The following ZFX variants were observed in gnomAD, a reference collection of about 807,000 sequenced individuals.
ZFX encodes zinc finger X-chromosomal protein.
For synonymous variants in ZFX, 196 were observed against 226.8 expected, an observed-to-expected ratio of 0.86 and a Z score of 1.22; for missense variants, 362 against 628.3, an observed-to-expected ratio of 0.58 and a Z score of 4.53.
chrX:24,194,997 A>G (rs1351910350), intron 5 of ZFX, among the ~76,000 whole-genome samples: 1 of 110,610 alleles, frequency 9.0e-6, no homozygotes, highest in Non-Finnish European at 1.9e-5. Context: ...ATCCTCCCAC[A>G]TTGGCCTCCC....
intron 5 of ZFX, among the ~76,000 whole-genome samples, chrX:24,202,116 A>T (rs1471064080): frequency 2.7e-5 from 3 of 111,660 alleles, no homozygotes; most frequent in Non-Finnish European, 5.6e-5. Context: ...ATTCTCATTC[A>T]AGTCTCAGAA....
intron 3 of ZFX, among the ~76,000 whole-genome samples, chrX:24,166,079 TAAAAAC>T (rs1002923320): frequency 1.9e-4 from 21 of 112,596 alleles, no homozygotes; most frequent in African/African-American, 4.8e-4. Flanking sequence ...AGCTAAGCCT[TAAAAAC>T]AAAAGCATTT....
intron 9 of ZFX, among the ~76,000 whole-genome samples, chrX:24,209,290 C>T (rs893832564): frequency 3.6e-5 from 4 of 112,306 alleles, no homozygotes; most frequent in Non-Finnish European, 7.5e-5. Flanking sequence ...TTTATGTGTA[C>T]ATGGAATGAA....
chrX:24,196,554 TC>T (rs1480032139), intron 5 of ZFX, among the ~76,000 whole-genome samples: 1 of 112,609 alleles, frequency 8.9e-6, no homozygotes, highest in Non-Finnish European at 1.9e-5. Flanking sequence ...ACAGCTTTTT[TC>T]CCCTAGAAAT....
chrX:24,199,495 A>G (rs941999564), intron 5 of ZFX, among the ~76,000 whole-genome samples: 1 of 110,478 alleles, frequency 9.1e-6, no homozygotes, highest in Non-Finnish European at 1.9e-5. Context: ...GGTTTAAGCA[A>G]TTCTCCTGCC....
At chrX:24,158,372 CAAAA>C (rs1319128935) in intron 3 of ZFX, among the ~76,000 whole-genome samples, 7 of 110,609 alleles carry the variant, frequency 6.3e-5, no homozygotes, top group African/African-American at 9.9e-5. Flanking sequence ...AAACCAAAAA[CAAAA>C]AAACACAGTT....
At chrX:24,159,332 G>A (rs1196833012) in intron 3 of ZFX, among the ~76,000 whole-genome samples, 1 of 112,187 alleles carries the variant, frequency 8.9e-6, no homozygotes, top group Non-Finnish European at 1.9e-5. Flanking sequence ...CCGGATATTC[G>A]CATATCTTTG....
At position 24,204,276 on chromosome X, in the gene ZFX, G is replaced by T. The variant is rs746312369; in HGVS notation, c.647-3050G>T. 4.4e-5 allele frequency among the ~76,000 whole-genome samples: 5 copies of T among 112,574 alleles called. No individual in the cohort carries two copies. In the South Asian group the frequency reaches 1.1e-3, roughly 24 times the overall value. On this transcript the variant is annotated intron_variant, in intron 5 of 9. Coordinates refer to ENST00000304543, the MANE Select transcript of ZFX (RefSeq NM_003410.4). ...TGTGGATGGTCTTGATTCTCAGTAA[G>T]TCAGAAGTTAAGTTGACAAATTGTC...
chrX:24,187,193 T>C (rs1936187153), intron 5 of ZFX, among the ~76,000 whole-genome samples: 1 of 111,892 alleles, frequency 8.9e-6, no homozygotes, highest in African/African-American at 3.3e-5. Context: ...CATAGTGCAC[T>C]GCAGCCTCGA....
Position 24,183,439 on chromosome X carries a change from G to A in ZFX, c.646+3669G>A, listed in dbSNP as rs541344358. 1.3e-4 allele frequency among the ~76,000 whole-genome samples: 15 copies of A among 111,380 alleles called. No homozygotes were observed. In the South Asian group the frequency reaches 3.8e-3, roughly 28 times the overall value. On this transcript the variant is annotated intron_variant, in intron 5 of 9. Transcript: ENST00000304543. ...GACCTCAGGTGATCCCACCCGCCTC[G>A]GCCTCCCAAAGTGCTGGGATTACGG...
At chrX:24,185,800 T>A (rs1313291083) in intron 5 of ZFX, among the ~76,000 whole-genome samples, 1 of 111,451 alleles carries the variant, frequency 9.0e-6, no homozygotes, top group Non-Finnish European at 1.9e-5. Context: ...GCACAATGGC[T>A]TATGCCTGTA....
At chrX:24,158,959 A>G (rs1932974938) in intron 3 of ZFX, among the ~76,000 whole-genome samples, 2 of 110,014 alleles carry the variant, frequency 1.8e-5, no homozygotes, top group South Asian at 7.7e-4. Context: ...TGCTACATCT[A>G]TTGGCGTGAT....
rs1369316304 is a variant in ZFX, at chrX:24,151,744, TCCCGCCTCCCACTG to T, written c.-188_-175del. Reference sequence around the variant, plus strand: ...TCGAACTCCTGGGCTCAAGCCGTTCTCCCGCCTCCCACTGCCCGCCTGTCACTGCCGTCTGTTCC... The same window carrying T: ...TCGAACTCCTGGGCTCAAGCCGTTCTCCCGCCTGTCACTGCCGTCTGTTCC... On this transcript the variant is annotated 5_prime_UTR_variant, in exon 2 of 10. Coordinates refer to ENST00000304543, the MANE Select transcript of ZFX (RefSeq NM_003410.4). 1 of 111,388 alleles carries T rather than the reference TCCCGCCTCCCACTG, an allele frequency of 9.0e-6. No individual in the cohort carries two copies. Among genetic ancestry groups the T allele is most frequent in the Non-Finnish European group, 1.9e-5 (1 of 53,062 alleles). 9.2% of individuals were successfully genotyped at this position (111,388 alleles called of 1,213,427 possible).
At chrX:24,159,338 CTT>C (rs1276320383) in intron 3 of ZFX, among the ~76,000 whole-genome samples, 1 of 112,400 alleles carries the variant, frequency 8.9e-6, no homozygotes, top group Non-Finnish European at 1.9e-5. Flanking sequence ...ATTCGCATAT[CTT>C]TGTTATTGCC....
chrX:24,163,494 C>T (rs1319731639), intron 3 of ZFX, among the ~76,000 whole-genome samples: 2 of 99,883 alleles, frequency 2.0e-5, no homozygotes, highest in African/African-American at 7.3e-5. Context: ...TCTCGTGCCT[C>T]AGCCTCCTGA....
At chrX:24,194,629 C>T (rs1210901643) in intron 5 of ZFX, among the ~76,000 whole-genome samples, 1 of 111,673 alleles carries the variant, frequency 9.0e-6, no homozygotes, top group African/African-American at 3.3e-5. Flanking sequence ...CATTTATTTC[C>T]ATGTTTAATG....
intron 2 of ZFX, among the ~76,000 whole-genome samples, 163 bp downstream of exon 2, chrX:24,151,963 TC>T (rs1171789156): frequency 3.6e-5 from 4 of 112,003 alleles, no homozygotes; most frequent in African/African-American, 1.3e-4. Flanking sequence ...AGACAGCTGC[TC>T]CTTTTTTCTA....
chrX:24,199,560 A>C (rs768610153), intron 5 of ZFX, among the ~76,000 whole-genome samples: 1 of 111,098 alleles, frequency 9.0e-6, no homozygotes, highest in Non-Finnish European at 1.9e-5. Flanking sequence ...CCAACCTTGA[A>C]GTGACTTTAA....
At chrX:24,179,907 T>C in intron 5 of ZFX, 137 bp downstream of exon 5, 2 of 601,252 alleles carry the variant, frequency 3.3e-6, no homozygotes, top group Non-Finnish European at 5.1e-6. Context: ...GTTGTTTCCA[T>C]TTGCAGCCTA....
Sources: gnomAD v4.1 joint callset for allele counts (sites outside exome capture counted in the v4.1 genomes callset) on GRCh38, gnomAD v4.1.1 for gene constraint, MANE v1.5 for transcripts, NCBI Gene and HGNC (gene_info 2026-07-23, HGNC 2026-07-21) for gene names.